The following GDPD4 variants were observed in gnomAD, a reference collection of about 807,000 sequenced individuals.
The protein encoded by GDPD4 is glycerophosphodiester phosphodiesterase 6.
A neutral mutation model predicts 67.8 loss-of-function variants in GDPD4; 60 were observed. The observed-to-expected ratio is 0.88, with a 90% CI of 0.72 to 1.10. The LOEUF (loss-of-function observed/expected upper bound fraction) is 1.10, where lower values mean the gene tolerates loss of function less well. Ranked by LOEUF, GDPD4 falls within the 50% of genes least tolerant of loss-of-function variation. The probability of loss-of-function intolerance (pLI) is 0.00; values close to 1 mark genes in which losing one functional copy is unlikely to be tolerated. For synonymous variants in GDPD4, 212 were observed against 210.9 expected, an observed-to-expected ratio of 1.00 and a Z score of -0.04; for missense variants, 623 against 613.9, an observed-to-expected ratio of 1.01 and a Z score of -0.16.
chr11:77,274,972 C>T (rs1163018491), intron 5 of GDPD4, among the ~76,000 whole-genome samples: 2 of 152,134 alleles, frequency 1.3e-5, no homozygotes, highest in Non-Finnish European at 2.9e-5. Flanking sequence ...TAATGTTTGA[C>T]AGTACAGTAA....
chr11:77,277,944 C>G (rs1354471858), intron 4 of GDPD4, among the ~76,000 whole-genome samples: 4 of 151,736 alleles, frequency 2.6e-5, no homozygotes, highest in Non-Finnish European at 5.9e-5. Flanking sequence ...TGTCTTTGTT[C>G]TCGTTGGTTT....
At chr11:77,276,442 T>A (rs1959474775) in intron 4 of GDPD4, among the ~76,000 whole-genome samples, 1 of 152,162 alleles carries the variant, frequency 6.6e-6, no homozygotes. Flanking sequence ...AAATCTCACC[T>A]CCTATTTATA....
rs546295543 is a variant in GDPD4 at position 77,287,327 on chromosome 11, C to A, written c.-160G>T. ...GACAAAGCATTTGTGGTTGAAGATG[C>A]GTGGAATCCATGGATTAAGCTTTTT... is the stretch of plus-strand genomic sequence containing the variant. On this transcript the variant is annotated 5_prime_UTR_variant, in exon 2 of 17. Coordinates refer to ENST00000315938, the MANE Select transcript of GDPD4 (RefSeq NM_182833.3). The A allele has an allele frequency of 6.6e-6, 1 of 152,166 alleles. No individual in the cohort carries two copies. The highest frequency in any genetic ancestry group is 1.5e-5 in the Non-Finnish European group (1 of 68,038). 9.4% of individuals were successfully genotyped at this position (152,166 alleles called of 1,614,324 possible). A position where few individuals can be genotyped will look rare whatever the true frequency, so the allele number is the denominator to read the frequency against.
chr11:77,262,059 A>G (rs1959129934), intron 10 of GDPD4, among the ~76,000 whole-genome samples: 1 of 152,166 alleles, frequency 6.6e-6, no homozygotes, highest in Non-Finnish European at 1.5e-5. Context: ...CCCTTAAATG[A>G]TCTCTTTAGC....
chr11:77,282,304 G>A (rs1959790046), intron 3 of GDPD4, among the ~76,000 whole-genome samples: 1 of 151,868 alleles, frequency 6.6e-6, no homozygotes, highest in African/African-American at 2.4e-5. Flanking sequence ...ATTTAATAGA[G>A]GGAAAAAATG....
chr11:77,233,083 G>A lies in GDPD4; in HGVS notation c.1331C>T (p.Ser444Leu), dbSNP rs760406032. The A allele has an allele frequency of 6.2e-7, 1 of 1,614,102 alleles. No individual in the cohort carries two copies. Among genetic ancestry groups the A allele is most frequent in the Non-Finnish European group, 8.5e-7 (1 of 1,179,960 alleles). ...GAGCCCAATGTTGTCTGTGGTCACT[G>A]AGTTAATCCTGGAGCACCAGGCCAG... ...FSLAWCSRIN[S>L]VTTDNIGLLS... Residue 444 changes from serine (S) to leucine (L), a missense_variant, in exon 14 of 17, where the codon TCA (serine) becomes TTA (leucine). Ser to Leu is a moderately radical substitution (Grantham distance 145). Transcript: ENST00000315938.
intron 3 of GDPD4, 24 bp downstream of exon 3, chr11:77,285,061 G>T (rs1252169985): frequency 6.3e-7 from 1 of 1,577,796 alleles, no homozygotes; most frequent in Admixed American, 1.7e-5. Context: ...TTACACAAAT[G>T]AAACTACAAA....
At chr11:77,297,184 G>A (rs951917927) in intron 1 of GDPD4, among the ~76,000 whole-genome samples, 2 of 151,994 alleles carry the variant, frequency 1.3e-5, no homozygotes, top group Admixed American at 6.6e-5. Context: ...AATATTGGAA[G>A]ATGTTAACAA....
chr11:77,228,653 A>T (rs888193885), intron 15 of GDPD4, among the ~76,000 whole-genome samples: 6 of 151,944 alleles, frequency 3.9e-5, no homozygotes, highest in Non-Finnish European at 8.8e-5. Flanking sequence ...ATGCCACCGC[A>T]CTCCAGCCTG....
chr11:77,252,013 T>C (rs532862318), intron 11 of GDPD4, among the ~76,000 whole-genome samples: 1 of 152,106 alleles, frequency 6.6e-6, no homozygotes, highest in East Asian at 1.9e-4. Context: ...ACTTGAATTA[T>C]TCAGCTGCAA....
intron 11 of GDPD4, among the ~76,000 whole-genome samples, chr11:77,246,511 A>G (rs1355349566): frequency 2.0e-5 from 3 of 152,240 alleles, no homozygotes; most frequent in Non-Finnish European, 2.9e-5. Context: ...GTCTTAGTAC[A>G]TTAAAGTTCA....
In GDPD4 at chr11:77,226,405, TGAG is replaced by T. The variant is rs1958338535; in HGVS notation, c.1525+1456_1525+1458del. On this transcript the variant is annotated intron_variant, in intron 16 of 16. Coordinates refer to ENST00000315938, the MANE Select transcript of GDPD4 (RefSeq NM_182833.3). ...TAATCCAACAGGACTGGTGCCCTTATGAGAAGAGGAAGAGAGACCCGAGATCCC... is the reference window on the plus strand; with the variant it reads ...TAATCCAACAGGACTGGTGCCCTTATAAGAGGAAGAGAGACCCGAGATCCC... Among the ~76,000 whole-genome samples, 6 of 152,164 alleles carry T rather than the reference TGAG, an allele frequency of 3.9e-5. No individual in the cohort carries two copies. The South Asian group carries it at 1.2e-3, about 32-fold the overall frequency.
At chr11:77,281,456 C>A (rs186903392) in intron 3 of GDPD4, among the ~76,000 whole-genome samples, 4 of 152,292 alleles carry the variant, frequency 2.6e-5, no homozygotes, top group Admixed American at 2.6e-4. Context: ...CCAAAAAATT[C>A]TGCTCTTTCT....
chr11:77,216,698 G>C lies in GDPD4; in HGVS notation c.*579C>G, dbSNP rs550456160. The C allele has an allele frequency of 4.6e-5, 26 of 561,082 alleles. No individual in the cohort carries two copies. In the African/African-American group the frequency reaches 4.7e-4, roughly 10 times the overall value. The allele number at this position is 561,082 out of a possible 1,614,324, so 34.8% of individuals were successfully genotyped here. ...GTTTTCCCCTTGCCTAGCCCCTTGA[G>C]ATGCATTCTTGATAGCGAGAGCACA... On this transcript the variant is annotated 3_prime_UTR_variant, in exon 17 of 17. Coordinates refer to ENST00000315938, the MANE Select transcript of GDPD4 (RefSeq NM_182833.3).
rs926992634 is a variant in GDPD4 at position 77,233,191 on chromosome 11, C to T, written c.1242-19G>A. On this transcript the variant is annotated intron_variant, in intron 13 of 16. Transcript: ENST00000315938. ...ATAATCTCTGGAACAAAAACAGAAC[C>T]CACAGGGGATTTAGATCAAGTTTCA... 6.2e-7 allele frequency: 1 copy of T among 1,608,308 alleles called. No homozygotes were observed. Among genetic ancestry groups the T allele is most frequent in the East Asian group, 2.2e-5 (1 of 44,742 alleles).
Position 77,217,169 on chromosome 11 carries a change from T to C in GDPD4, c.*108A>G, listed in dbSNP as rs750581213. On this transcript the variant is annotated 3_prime_UTR_variant, in exon 17 of 17. Transcript: ENST00000315938. ...TGGTGCTGCAAAATTGAAATGGCCT[T>C]GGTGTTCCTTTCCACTCTTGGGTAG... is the stretch of plus-strand genomic sequence containing the variant. The C allele has an allele frequency of 6.0e-6, 5 of 838,658 alleles. No individual in the cohort carries two copies. Among genetic ancestry groups the C allele is most frequent in the African/African-American group, 1.7e-5 (1 of 60,050 alleles). The allele number at this position is 838,658 out of a possible 1,614,324, so 52.0% of individuals were successfully genotyped here.
Position 77,268,985 on chromosome 11 carries a change from A to T in GDPD4, c.563T>A (p.Ile188Asn). 6.2e-7 allele frequency: 1 copy of T among 1,614,002 alleles called. No homozygotes were observed. The highest frequency in any genetic ancestry group is 8.5e-7 in the Non-Finnish European group (1 of 1,179,892). ...GGGCCCCAAATTCTCCTTCTCCTGA[A>T]TGCAGGGAGAATAAATCCCCAGTGG... ...LMPLGIYSPCIQEKENLGPKP... is the reference protein window; with the variant it reads ...LMPLGIYSPCNQEKENLGPKP... The change falls in exon 9 of 17, where the codon ATT becomes AAT. Residue 188 changes from isoleucine to asparagine, a missense_variant. Ile to Asn is a moderately radical substitution (Grantham distance 149). Transcript: ENST00000315938.
rs1959047787 is a variant in GDPD4 at position 77,258,489 on chromosome 11, T to C, written c.761A>G (p.Asn254Ser). 5 of 1,613,802 alleles carry C rather than the reference T, an allele frequency of 3.1e-6. No homozygotes were observed. The highest frequency in any genetic ancestry group is 1.3e-5 in the African/African-American group (1 of 74,882). ...MHDFDLKRTTNIGEVQPESAC... is the reference protein window; with the variant it reads ...MHDFDLKRTTSIGEVQPESAC... Reference sequence around the variant, plus strand: ...AGATTCTGGCTGAACTTCCCCAATATTGGTTGTTCTTTTCAGGTCAAAGTC... The same window carrying C: ...AGATTCTGGCTGAACTTCCCCAATACTGGTTGTTCTTTTCAGGTCAAAGTC... The change falls in exon 11 of 17, where the codon AAT (asparagine) becomes AGT (serine). Residue 254 changes from asparagine (N) to serine (S), a missense_variant. Transcript: ENST00000315938.
Position 77,287,204 on chromosome 11 carries a change from T to C in GDPD4, c.-51+14A>G, listed in dbSNP as rs1960030495. The C allele has an allele frequency of 6.6e-6, 1 of 152,246 alleles. No homozygotes were observed. The highest frequency in any genetic ancestry group is 2.1e-4 in the South Asian group (1 of 4,832). 9.4% of individuals were successfully genotyped at this position (152,246 alleles called of 1,614,324 possible). ...ATCTGAGAAAATGTGGTCCAGCTCC[T>C]TATCAGTCTGTACCCAAGTGCAGCA... is the stretch of plus-strand genomic sequence containing the variant. On this transcript the variant is annotated intron_variant, in intron 2 of 16. Coordinates refer to ENST00000315938, the MANE Select transcript of GDPD4 (RefSeq NM_182833.3).
Sources: gnomAD v4.1 joint callset for allele counts (sites outside exome capture counted in the v4.1 genomes callset) on GRCh38, gnomAD v4.1.1 for gene constraint, MANE v1.5 for transcripts, NCBI Gene and HGNC (gene_info 2026-07-23, HGNC 2026-07-21) for gene names.